Variants in ADGRL2 observed in about 807,000 individuals in gnomAD.
ADGRL2 encodes adhesion G protein-coupled receptor L2, also known as calcium-independent alpha-latrotoxin receptor 2.
ADGRL2 carries 44 observed loss-of-function variants against 157.4 expected under a neutral mutation model. That is an observed-to-expected ratio of 0.28 (90% CI 0.22 to 0.36). The LOEUF (loss-of-function observed/expected upper bound fraction) is 0.36. ADGRL2 is among the 10% of genes least tolerant of loss of function. The probability of loss-of-function intolerance (pLI) is 1.00; values close to 1 mark genes in which losing one functional copy is unlikely to be tolerated. For synonymous variants in ADGRL2, 585 were observed against 624.7 expected, an observed-to-expected ratio of 0.94 and a Z score of 0.95; for missense variants, 1,510 against 1,768.9, an observed-to-expected ratio of 0.85 and a Z score of 2.63.
At chr1:81,804,360 A>G (rs2088792943) in intron 1 of ADGRL2, among the ~76,000 whole-genome samples, 1 of 152,204 alleles carries the variant, frequency 6.6e-6, no homozygotes, top group South Asian at 2.1e-4. Context: ...ATTTCACATC[A>G]TTCTGCACAA....
At chr1:81,827,647 C>T (rs1320900653) in intron 1 of ADGRL2, among the ~76,000 whole-genome samples, 1 of 152,082 alleles carries the variant, frequency 6.6e-6, no homozygotes, top group African/African-American at 2.4e-5. Context: ...CGCACTACAC[C>T]CTCAGCCTCC....
chr1:81,629,893 A>C (rs2081980721), intron 3 of ADGRL2, among the ~76,000 whole-genome samples: 1 of 151,792 alleles, frequency 6.6e-6, no homozygotes. Context: ...GTCCAGCCTA[A>C]TTTTTTATTA....
At chr1:81,316,542 G>A (rs955858337) in intron 1 of ADGRL2, among the ~76,000 whole-genome samples, 6 of 152,070 alleles carry the variant, frequency 3.9e-5, no homozygotes, top group Non-Finnish European at 8.8e-5. Flanking sequence ...CTTTAAAGAG[G>A]AAAATAATGA....
chr1:81,391,231 T>C (rs904317066), intron 1 of ADGRL2, among the ~76,000 whole-genome samples: 1 of 152,306 alleles, frequency 6.6e-6, no homozygotes, highest in Non-Finnish European at 1.5e-5. Flanking sequence ...ACTGTTGATA[T>C]AGGAGTGACA....
chr1:81,667,821 A>C (rs1201127121), intron 3 of ADGRL2, among the ~76,000 whole-genome samples: 1 of 152,154 alleles, frequency 6.6e-6, no homozygotes, highest in Non-Finnish European at 1.5e-5. Context: ...GTTAATGTCC[A>C]AGACATCTAC....
At chr1:81,477,677 C>T (rs1165300788) in intron 2 of ADGRL2, among the ~76,000 whole-genome samples, 1 of 152,178 alleles carries the variant, frequency 6.6e-6, no homozygotes, top group Non-Finnish European at 1.5e-5. Context: ...CAGATGCATG[C>T]AGCCATTTAG....
At chr1:81,315,638 T>C (rs1660051728) in intron 1 of ADGRL2, among the ~76,000 whole-genome samples, 1 of 152,164 alleles carries the variant, frequency 6.6e-6, no homozygotes, top group Non-Finnish European at 1.5e-5. Flanking sequence ...ACAGCACATT[T>C]CTTCTCTTAC....
intron 2 of ADGRL2, among the ~76,000 whole-genome samples, chr1:81,480,512 T>C (rs911126926): frequency 1.4e-4 from 22 of 151,808 alleles, no homozygotes; most frequent in Admixed American, 6.6e-5. Context: ...TCAGAACATA[T>C]AGCATAAGCC....
Position 81,982,406 on chromosome 1 carries a change from A to G in ADGRL2, c.3282+430A>G, listed in dbSNP as rs570338227. On this transcript the variant is annotated intron_variant, in intron 19 of 23. Transcript: ENST00000686636. ...AAAAATTAATGTTACCTTTTGAGTA[A>G]TTTTGAAGGATCTAAAAATCAATAA... Among the ~76,000 whole-genome samples, 8 of 152,066 alleles carry G rather than the reference A, an allele frequency of 5.3e-5. No individual in the cohort carries two copies. The South Asian group carries it at 1.7e-3, about 31-fold the overall frequency.
At position 81,810,804 on chromosome 1, in the gene ADGRL2, C is replaced by A. The variant is rs183631143; in HGVS notation, c.-101+9736C>A. On this transcript the variant is annotated intron_variant, in intron 1 of 23. Coordinates refer to ENST00000686636, the MANE Select transcript of ADGRL2 (RefSeq NM_001366006.2). ...AAGAGATGAGCATAATTCTAAAACA[C>A]GTCACTTTGCCTCATATGCGTCGAC... Among the ~76,000 whole-genome samples, 102 of 151,918 alleles carry A rather than the reference C, an allele frequency of 6.7e-4. 1 individual carries two copies. The highest frequency in any genetic ancestry group is 2.4e-3 in the African/African-American group (100 of 41,500).
chr1:81,467,171 A>G (rs566161838), intron 2 of ADGRL2, among the ~76,000 whole-genome samples: 4 of 152,262 alleles, frequency 2.6e-5, no homozygotes, highest in African/African-American at 7.2e-5. Flanking sequence ...CCCTTGCTGT[A>G]TATACACATC....
At chr1:81,359,733 T>G (rs900189023) in intron 1 of ADGRL2, among the ~76,000 whole-genome samples, 4 of 151,962 alleles carry the variant, frequency 2.6e-5, no homozygotes, top group Non-Finnish European at 5.9e-5. Context: ...AAAGCAGAAC[T>G]TTACATTTAC....
intron 3 of ADGRL2, among the ~76,000 whole-genome samples, chr1:81,600,357 C>T (rs1393264985): frequency 6.6e-6 from 1 of 152,182 alleles, no homozygotes; most frequent in African/African-American, 2.4e-5. Context: ...TCTCAAACTT[C>T]TTCTCAATAT....
rs927886454 is a variant in ADGRL2, at chr1:81,670,318, G to A, written c.-143+89338G>A. Among the ~76,000 whole-genome samples the A allele has an allele frequency of 7.9e-4, 120 of 152,248 alleles. 1 individual carries two copies. The highest frequency in any genetic ancestry group is 2.8e-3 in the African/African-American group (115 of 41,540). ...TGGAGTGTGACTCTTCTGTAACCAG[G>A]CCACTTATGCTGACTTACCTTGAGG... On this transcript the variant is annotated intron_variant, in intron 3 of 24. Coordinates refer to the ADGRL2 transcript ENST00000370721.
chr1:81,494,137 A>T (rs1220607459), intron 2 of ADGRL2, among the ~76,000 whole-genome samples: 1 of 152,170 alleles, frequency 6.6e-6, no homozygotes, highest in Non-Finnish European at 1.5e-5. Flanking sequence ...TCTTGCCTAA[A>T]TGCCAATTCT....
At chr1:81,779,578 ATATT>A (rs142041221) in intron 2 of ADGRL2, among the ~76,000 whole-genome samples, 1,971 of 152,244 alleles carry the variant, frequency 0.013, 26 homozygotes, top group South Asian at 0.029. Flanking sequence ...CTACCTTCAT[ATATT>A]TATGCTTGAT....
At chr1:81,586,999 C>T (rs2081040786) in intron 3 of ADGRL2, among the ~76,000 whole-genome samples, 1 of 151,972 alleles carries the variant, frequency 6.6e-6, no homozygotes, top group Admixed American at 6.6e-5. Context: ...GACAGCTGTC[C>T]AGAGACTCTT....
Position 81,904,780 on chromosome 1 carries a change from G to A in ADGRL2, c.74-2237G>A, listed in dbSNP as rs577846207. ...AAATTAGTCTGGCGTGATGGCACATGCCTGTAATCCTAGCTACTCAGGAGG... is the reference window on the plus strand; with the variant it reads ...AAATTAGTCTGGCGTGATGGCACATACCTGTAATCCTAGCTACTCAGGAGG... On this transcript the variant is annotated intron_variant, in intron 2 of 23. Coordinates refer to ENST00000686636, the MANE Select transcript of ADGRL2 (RefSeq NM_001366006.2). 5.9e-5 allele frequency among the ~76,000 whole-genome samples: 9 copies of A among 152,232 alleles called. No homozygotes were observed. In the South Asian group the frequency reaches 1.5e-3, roughly 25 times the overall value.
intron 1 of ADGRL2, among the ~76,000 whole-genome samples, chr1:81,359,835 A>C (rs959432138): frequency 9.9e-5 from 15 of 151,916 alleles, no homozygotes; most frequent in Admixed American, 4.6e-4. Flanking sequence ...AGCCAAAAAA[A>C]ACCTATGAGC....
Sources: gnomAD v4.1 joint callset for allele counts (sites outside exome capture counted in the v4.1 genomes callset) on GRCh38, gnomAD v4.1.1 for gene constraint, MANE v1.5 for transcripts, NCBI Gene and HGNC (gene_info 2026-07-23, HGNC 2026-07-21) for gene names.